Variants in FLT1 observed in about 807,000 individuals in gnomAD.
FLT1 encodes fms related receptor tyrosine kinase 1.
In FLT1, 49 loss-of-function variants were observed where a neutral mutation model predicts 156.3. The observed-to-expected ratio is 0.31, with a 90% CI of 0.25 to 0.40. FLT1 has a LOEUF of 0.40. FLT1 is among the 10% of genes least tolerant of loss of function. The probability of loss-of-function intolerance (pLI) is 1.00; values close to 1 mark genes in which losing one functional copy is unlikely to be tolerated. For missense variants in FLT1, 1,322 were observed against 1,637.2 expected, an observed-to-expected ratio of 0.81 and a Z score of 3.32; for synonymous variants, 594 against 583.8, an observed-to-expected ratio of 1.02 and a Z score of -0.25.
intron 29 of FLT1, among the ~76,000 whole-genome samples, chr13:28,305,486 C>T (rs1870705616): frequency 6.6e-6 from 1 of 152,322 alleles, no homozygotes; most frequent in South Asian, 2.1e-4. Flanking sequence ...GAGACTACTG[C>T]ATGAGCCACC....
At chr13:28,315,342 C>T (rs187392096) in intron 25 of FLT1, among the ~76,000 whole-genome samples, 333 of 152,272 alleles carry the variant, frequency 2.2e-3, no homozygotes, top group Non-Finnish European at 4.3e-3. Context: ...ATCACTTGAG[C>T]TCAGGAGTTC....
At chr13:28,384,040 C>A (rs537872300) in intron 14 of FLT1, among the ~76,000 whole-genome samples, 1 of 152,288 alleles carries the variant, frequency 6.6e-6, no homozygotes, top group African/African-American at 2.4e-5. Context: ...TAAACCTATA[C>A]CCACTGGTGT....
intron 25 of FLT1, among the ~76,000 whole-genome samples, chr13:28,313,254 C>T (rs568703186): frequency 1.3e-5 from 2 of 152,156 alleles, no homozygotes; most frequent in African/African-American, 2.4e-5. Flanking sequence ...TCTGGGATTA[C>T]AGGCGTGAGC....
chr13:28,485,945 G>A (rs1422540795), intron 1 of FLT1, among the ~76,000 whole-genome samples: 1 of 152,206 alleles, frequency 6.6e-6, no homozygotes, highest in African/African-American at 2.4e-5. Context: ...AAACTACTCA[G>A]CTGAGCCTAG....
chr13:28,408,724 G>A (rs1875962510), intron 10 of FLT1, among the ~76,000 whole-genome samples: 1 of 152,158 alleles, frequency 6.6e-6, no homozygotes, highest in Non-Finnish European at 1.5e-5. Context: ...AGCGAGATAA[G>A]AAAGCTCCCA....
intron 18 of FLT1, 40 bp from the exon 19 acceptor site, chr13:28,329,768 T>C (rs751953822): frequency 2.6e-6 from 4 of 1,519,546 alleles, no homozygotes; most frequent in Admixed American, 3.4e-5. Flanking sequence ...GACAGGACAA[T>C]GGGGCTCCTT....
intron 1 of FLT1, among the ~76,000 whole-genome samples, chr13:28,483,351 A>G (rs1288813949): frequency 6.6e-6 from 1 of 152,220 alleles, no homozygotes; most frequent in Non-Finnish European, 1.5e-5. Flanking sequence ...AAAGAAAACA[A>G]TCATAAAAAT....
intron 15 of FLT1, among the ~76,000 whole-genome samples, chr13:28,351,020 T>G (rs535532292): frequency 6.6e-6 from 1 of 152,102 alleles, no homozygotes; most frequent in African/African-American, 2.4e-5. Flanking sequence ...CCCTTTTCTT[T>G]TTTTTTTCCT....
chr13:28,336,527 G>A (rs1872120714), intron 17 of FLT1, among the ~76,000 whole-genome samples: 1 of 152,148 alleles, frequency 6.6e-6, no homozygotes, highest in Non-Finnish European at 1.5e-5. Context: ...AGAATGTCCT[G>A]GACTGGCCAG....
chr13:28,319,414 C>A lies in FLT1; in HGVS notation c.3286+9G>T, dbSNP rs375082968. On this transcript the variant is annotated intron_variant, in intron 24 of 29. Coordinates refer to ENST00000282397, the MANE Select transcript of FLT1 (RefSeq NM_002019.4). ...GGGCTGTTTGATTTCTTCCTTCTCC[C>A]AAATTTACCTAAGGAGAAGATTTCC... The A allele has an allele frequency of 1.3e-6, 2 of 1,566,868 alleles. No individual in the cohort carries two copies. Among genetic ancestry groups the A allele is most frequent in the South Asian group, 1.1e-5 (1 of 89,802 alleles).
chr13:28,446,739 G>C (rs1878638186), intron 3 of FLT1, among the ~76,000 whole-genome samples: 1 of 152,172 alleles, frequency 6.6e-6, no homozygotes, highest in East Asian at 1.9e-4. Context: ...TTGATCTACA[G>C]ATTAAATGCA....
chr13:28,412,578 C>A (rs140026925), intron 10 of FLT1, among the ~76,000 whole-genome samples: 2,151 of 150,872 alleles, frequency 0.014, 41 homozygotes, highest in African/African-American at 0.048. Context: ...TGTGCCACCA[C>A]GTCTGGCTAA....
intron 14 of FLT1, among the ~76,000 whole-genome samples, chr13:28,371,706 C>A (rs944179983): frequency 2.0e-5 from 3 of 152,118 alleles, no homozygotes; most frequent in Middle Eastern, 3.4e-3. Flanking sequence ...TAAGAATGAA[C>A]CTTCTATCCA....
At chr13:28,399,081 G>A in intron 11 of FLT1, 1 of 1,551,312 alleles carries the variant, frequency 6.4e-7, no homozygotes, top group Non-Finnish European at 8.7e-7. Context: ...AGAGAAGCTT[G>A]TAGGTGGCAA....
chr13:28,380,288 T>C (rs1874021214), intron 14 of FLT1, among the ~76,000 whole-genome samples: 1 of 152,178 alleles, frequency 6.6e-6, no homozygotes, highest in Non-Finnish European at 1.5e-5. Context: ...CAAAAAGAAA[T>C]AGTCATAAAA....
At chr13:28,325,839 G>A (rs1004486840) in intron 20 of FLT1, among the ~76,000 whole-genome samples, 27 of 81,250 alleles carry the variant, frequency 3.3e-4, no homozygotes, top group Non-Finnish European at 4.1e-4. Flanking sequence ...AAAAAAAAAA[G>A]GTTCTTATTA....
intron 10 of FLT1, among the ~76,000 whole-genome samples, chr13:28,414,842 C>G (rs1876551305): frequency 6.6e-6 from 1 of 150,930 alleles, no homozygotes. Flanking sequence ...GTCAACCCTG[C>G]CATCTACACT....
At position 28,312,217 on chromosome 13, in the gene FLT1, T is replaced by C. The variant is rs559814546; in HGVS notation, c.3387-119A>G. The C allele has an allele frequency of 7.8e-5, 57 of 733,596 alleles. 1 individual carries two copies. Among genetic ancestry groups the C allele is most frequent in the South Asian group, 7.6e-4 (52 of 68,862 alleles). 45.4% of individuals were successfully genotyped at this position (733,596 alleles called of 1,614,324 possible). The stretch of plus-strand genomic sequence containing the variant: ...CATAAAGCCCAAGCTTTCTGTACTA[T>C]GTGACCCTGCTTCATTTTTAGGTTT... On this transcript the variant is annotated intron_variant, in intron 25 of 29. Transcript: ENST00000282397.
At chr13:28,475,863 T>G (rs755789893) in intron 1 of FLT1, among the ~76,000 whole-genome samples, 25 of 152,200 alleles carry the variant, frequency 1.6e-4, no homozygotes, top group Admixed American at 7.9e-4. Flanking sequence ...CATGCTTTGA[T>G]GAAGAGCATT....
Sources: allele counts gnomAD v4.1 joint callset (sites outside exome capture counted in the v4.1 genomes callset), GRCh38; gene constraint gnomAD v4.1.1; transcripts MANE v1.5; gene names NCBI Gene and HGNC (gene_info 2026-07-23, HGNC 2026-07-21).